The following PARD3 variants were observed in gnomAD, a reference collection of about 807,000 sequenced individuals.
PARD3 encodes the protein par-3 family cell polarity regulator, also known as partitioning defective 3 homolog.
Under a neutral mutation model 155.4 loss-of-function variants are expected in PARD3, and 75 were observed. The observed-to-expected ratio is 0.48, with a 90% confidence interval of 0.40 to 0.58. The LOEUF is 0.58. Ranked by LOEUF, PARD3 falls within the 20% of genes least tolerant of loss-of-function variation. PARD3 has a pLI of 0.00. For missense variants in PARD3, 1,642 were observed against 1,721.7 expected, an observed-to-expected ratio of 0.95 and a Z score of 0.82; for synonymous variants, 576 against 610.5, an observed-to-expected ratio of 0.94 and a Z score of 0.83.
At chr10:34,164,813 T>TACACAC (rs565878253) in intron 22 of PARD3, among the ~76,000 whole-genome samples, 10,851 of 152,210 alleles carry the variant, frequency 0.071, 993 homozygotes, top group East Asian at 0.3. Context: ...CATACACACA[T>TACACAC]ATACAATTAT....
At chr10:34,214,531 A>C (rs556577240) in intron 22 of PARD3, among the ~76,000 whole-genome samples, 2 of 152,236 alleles carry the variant, frequency 1.3e-5, no homozygotes, top group East Asian at 3.9e-4. Context: ...CACAACCAAT[A>C]TATAAATGAA....
intron 2 of PARD3, among the ~76,000 whole-genome samples, chr10:34,598,719 G>A (rs189661793): frequency 5.9e-4 from 90 of 152,306 alleles, no homozygotes; most frequent in Non-Finnish European, 1.1e-3. Flanking sequence ...GGGTTCAAGA[G>A]CCATCAGTAA....
At chr10:34,124,311 C>A (rs1484243463) in intron 23 of PARD3, among the ~76,000 whole-genome samples, 3 of 152,168 alleles carry the variant, frequency 2.0e-5, no homozygotes, top group Non-Finnish European at 2.9e-5. Flanking sequence ...CCTTGAGATT[C>A]ACAATCCTTA....
At chr10:34,606,727 T>C (rs1490542268) in intron 2 of PARD3, among the ~76,000 whole-genome samples, 1 of 150,966 alleles carries the variant, frequency 6.6e-6, no homozygotes, top group African/African-American at 2.4e-5. Context: ...CCCAGCACTT[T>C]GGGAGGCCAA....
intron 2 of PARD3, among the ~76,000 whole-genome samples, chr10:34,670,261 G>T (rs1197198666): frequency 6.6e-6 from 1 of 152,208 alleles, no homozygotes; most frequent in Non-Finnish European, 1.5e-5. Context: ...AAACACAAGG[G>T]ACGCCTTCAC....
At chr10:34,248,919 C>G (rs546813161) in intron 22 of PARD3, among the ~76,000 whole-genome samples, 1 of 152,114 alleles carries the variant, frequency 6.6e-6, no homozygotes, top group Non-Finnish European at 1.5e-5. Context: ...GAAGAGCAGC[C>G]TTAGTTAACC....
intron 2 of PARD3, among the ~76,000 whole-genome samples, chr10:34,544,295 T>C (rs914489049): frequency 2.6e-5 from 4 of 152,206 alleles, no homozygotes; most frequent in African/African-American, 7.2e-5. Flanking sequence ...TATAGGTATA[T>C]ACTTAGATGC....
At chr10:34,735,080 C>T (rs1484072741) in intron 1 of PARD3, among the ~76,000 whole-genome samples, 5 of 151,530 alleles carry the variant, frequency 3.3e-5, no homozygotes, top group Non-Finnish European at 7.4e-5. Flanking sequence ...AGTAAAATTC[C>T]CTGGTGCTAA....
At chr10:34,117,535 T>C (rs141262384) in intron 24 of PARD3, among the ~76,000 whole-genome samples, 38 of 152,320 alleles carry the variant, frequency 2.5e-4, no homozygotes, top group African/African-American at 3.6e-4. Flanking sequence ...AGGCATTTGA[T>C]TCACTGGGTT....
intron 20 of PARD3, among the ~76,000 whole-genome samples, chr10:34,309,896 C>CA (rs552115285): frequency 0.46 from 43,860 of 95,360 alleles, 8,984 homozygotes; most frequent in South Asian, 0.61. Flanking sequence ...ATCAACCATC[C>CA]AAAAAAAAAA....
At chr10:34,809,717 G>A (rs1843862742) in intron 1 of PARD3, among the ~76,000 whole-genome samples, 1 of 152,182 alleles carries the variant, frequency 6.6e-6, no homozygotes, top group Admixed American at 6.5e-5. Context: ...GGACAAAGGC[G>A]CTTCAGCACC....
rs2076950468 is a variant in PARD3 at position 34,449,598 on chromosome 10, TAAAAAAAAAGTGG to T, written c.714+706_714+718del. On this transcript the variant is annotated intron_variant, in intron 5 of 24. Transcript: ENST00000374788. Reference sequence around the variant, plus strand: ...CACATGTACCCTAAAACTTAAAGTATAAAAAAAAAGTGGAAAAAAAAAAGTAACTCATCAGATA... The same window carrying T: ...CACATGTACCCTAAAACTTAAAGTATAAAAAAAAAAGTAACTCATCAGATA... Among the ~76,000 whole-genome samples, 5 of 148,844 alleles carry T rather than the reference TAAAAAAAAAGTGG, an allele frequency of 3.4e-5. No homozygotes were observed. The South Asian group carries it at 8.4e-4, about 25-fold the overall frequency.
chr10:34,401,582 A>T (rs1843887821), intron 6 of PARD3, among the ~76,000 whole-genome samples: 1 of 152,178 alleles, frequency 6.6e-6, no homozygotes. Flanking sequence ...TTTATATTAT[A>T]ATTCAATAGT....
chr10:34,634,845 T>TG (rs2092408846), intron 2 of PARD3, among the ~76,000 whole-genome samples: 1 of 152,148 alleles, frequency 6.6e-6, no homozygotes, highest in South Asian at 2.1e-4. Context: ...GCTGGAGTGC[T>TG]GGGAACAAAA....
At chr10:34,418,912 A>C (rs1273622024) in intron 5 of PARD3, among the ~76,000 whole-genome samples, 1 of 147,050 alleles carries the variant, frequency 6.8e-6, no homozygotes, top group Admixed American at 6.6e-5. Flanking sequence ...CTGGAACTAC[A>C]GGCACATGTC....
intron 2 of PARD3, among the ~76,000 whole-genome samples, chr10:34,662,643 T>C (rs1389141014): frequency 1.3e-5 from 2 of 151,604 alleles, no homozygotes; most frequent in Admixed American, 1.3e-4. Flanking sequence ...GAGGCAGAGG[T>C]GAGAGGATCA....
chr10:34,745,161 C>A (rs1423144779), intron 1 of PARD3, among the ~76,000 whole-genome samples: 1 of 152,012 alleles, frequency 6.6e-6, no homozygotes, highest in African/African-American at 2.4e-5. Flanking sequence ...CAGGAGTTTG[C>A]GACCAGCTTG....
intron 9 of PARD3, among the ~76,000 whole-genome samples, chr10:34,381,324 T>G (rs1322390528): frequency 6.6e-6 from 1 of 152,208 alleles, no homozygotes; most frequent in East Asian, 1.9e-4. Context: ...TAAGAGTTGA[T>G]GGTTGAGCCT....
intron 22 of PARD3, among the ~76,000 whole-genome samples, chr10:34,266,422 T>C (rs187992528): frequency 1.3e-5 from 2 of 152,316 alleles, no homozygotes; most frequent in Admixed American, 1.3e-4. Context: ...TCAATCTTTG[T>C]TTAATGGACA....
Sources: allele counts gnomAD v4.1 joint callset (sites outside exome capture counted in the v4.1 genomes callset), GRCh38; gene constraint gnomAD v4.1.1; transcripts MANE v1.5; gene names NCBI Gene and HGNC (gene_info 2026-07-23, HGNC 2026-07-21).